RAD18: variants seen among roughly 807,000 people sequenced by gnomAD.
RAD18 encodes the protein E3 ubiquitin-protein ligase RAD18.
A neutral mutation model predicts 60.4 loss-of-function variants in RAD18; 47 were observed. The observed-to-expected ratio is 0.78, with a 90% confidence interval of 0.62 to 0.99. RAD18 has a LOEUF of 0.99. Among genes scored for constraint, RAD18 ranks in the 50% least tolerant of loss-of-function variants. The pLI is 0.00. For missense variants in RAD18, 640 were observed against 593.3 expected, an observed-to-expected ratio of 1.08 and a Z score of -0.82; for synonymous variants, 225 against 195.5, an observed-to-expected ratio of 1.15 and a Z score of -1.26.
chr3:8,951,517 T>C (rs1414300136), intron 2 of RAD18, among the ~76,000 whole-genome samples: 5 of 152,100 alleles, frequency 3.3e-5, no homozygotes, highest in Non-Finnish European at 5.9e-5. Flanking sequence ...GGAAAATAAT[T>C]TAGGTCAGAA....
At position 8,935,945 on chromosome 3, in the gene RAD18, T is replaced by G. The variant is rs777749667; in HGVS notation, c.815A>C (p.Gln272Pro). 4 of 1,612,094 alleles carry G rather than the reference T, an allele frequency of 2.5e-6. No homozygotes were observed. In the Admixed American group the frequency reaches 5.0e-5, roughly 20 times the overall value. ...TTCTTGGTGCCTTTTAATGAGCTGT[T>G]GTTTATTTCCTTGAATAGATAATCC... is the stretch of plus-strand genomic sequence containing the variant. ...EHGLSIQGNK[Q>P]QLIKRHQEFV... The change falls in exon 7 of 13, where the codon CAA becomes CCA. Residue 272 changes from glutamine (Q) to proline (P), a missense_variant. By Grantham distance (76) the Gln-to-Pro change is moderately conservative. Transcript: ENST00000264926.
At chr3:8,924,064 T>C (rs9809175) in intron 7 of RAD18, among the ~76,000 whole-genome samples, 105,078 of 151,944 alleles carry the variant, frequency 0.69, 36,879 homozygotes, top group Middle Eastern at 0.77. Context: ...ACACATAATA[T>C]TAACTTTAAA....
chr3:8,957,772 T>C (rs1941036405), intron 2 of RAD18, among the ~76,000 whole-genome samples: 1 of 152,208 alleles, frequency 6.6e-6, no homozygotes, highest in Non-Finnish European at 1.5e-5. Context: ...GAGGTCATAC[T>C]GACTGAGATG....
rs1939370390 is a variant in RAD18, at chr3:8,877,125, C to G, written c.*4232G>C. The G allele has an allele frequency of 6.6e-6, 1 of 152,194 alleles. No individual in the cohort carries two copies. The highest frequency in any genetic ancestry group is 2.4e-5 in the African/African-American group (1 of 41,446). The allele number at this position is 152,194 out of a possible 1,614,324, so 9.4% of individuals were successfully genotyped here. On this transcript the variant is annotated 3_prime_UTR_variant, in exon 13 of 13. Transcript: ENST00000264926. ...TTTTGTATTTTGGAATCAAAGGAGT[C>G]AGAAGATGCATGCATCAGTTTCTGG...
rs1350669724 is a variant in RAD18, at chr3:8,879,370, G to A, written c.*1987C>T. ...ATGACTGCTGTCCCTACAAGAAATC[G>A]GGACACCAGTCCTGCACAGTCATGT... is the stretch of plus-strand genomic sequence containing the variant. On this transcript the variant is annotated 3_prime_UTR_variant, in exon 13 of 13. Coordinates refer to ENST00000264926, the MANE Select transcript of RAD18 (RefSeq NM_020165.4). 2 of 152,126 alleles carry A rather than the reference G, an allele frequency of 1.3e-5. No individual in the cohort carries two copies. The highest frequency in any genetic ancestry group is 3.9e-4 in the East Asian group (2 of 5,194). 9.4% of individuals were successfully genotyped at this position (152,126 alleles called of 1,614,324 possible).
At chr3:8,907,493 G>C (rs992454415) in intron 9 of RAD18, among the ~76,000 whole-genome samples, 2 of 152,078 alleles carry the variant, frequency 1.3e-5, no homozygotes, top group African/African-American at 4.8e-5. Context: ...GAAAACAGCT[G>C]ACCCCATCTC....
At chr3:8,950,275 A>AT (rs1255913754) in intron 2 of RAD18, among the ~76,000 whole-genome samples, 1 of 152,030 alleles carries the variant, frequency 6.6e-6, no homozygotes, top group Non-Finnish European at 1.5e-5. Context: ...ACCATAGGTG[A>AT]CCGCCCACCT....
intron 4 of RAD18, 34 bp from the exon 5 acceptor site, chr3:8,941,838 A>T: frequency 6.6e-7 from 1 of 1,524,252 alleles, no homozygotes; most frequent in Non-Finnish European, 8.9e-7. Context: ...GACAATTAAG[A>T]GATCCAATTT....
intron 7 of RAD18, among the ~76,000 whole-genome samples, chr3:8,913,955 A>T (rs1045761533): frequency 5.6e-5 from 5 of 88,704 alleles, no homozygotes; most frequent in African/African-American, 2.2e-4. Context: ...TTCAACGTAT[A>T]ACCACAAGAG....
intron 11 of RAD18, among the ~76,000 whole-genome samples, chr3:8,893,017 T>C (rs1007666884): frequency 6.6e-6 from 1 of 152,216 alleles, no homozygotes; most frequent in South Asian, 2.1e-4. Context: ...GCATAGAGCT[T>C]GGTACGCAGT....
intron 11 of RAD18, among the ~76,000 whole-genome samples, chr3:8,892,222 G>A (rs913881731): frequency 6.6e-6 from 1 of 152,118 alleles, no homozygotes; most frequent in Middle Eastern, 3.2e-3. Flanking sequence ...AACTTTTTCA[G>A]CTTGTCTACT....
At chr3:8,935,772 G>T in intron 7 of RAD18, 99 bp downstream of exon 7, 1 of 1,137,470 alleles carries the variant, frequency 8.8e-7, no homozygotes, top group Non-Finnish European at 1.2e-6. Context: ...TATCAAAAAT[G>T]TATTTATTTA....
chr3:8,928,049 T>TAAAAA (rs58756851), intron 7 of RAD18, among the ~76,000 whole-genome samples: 2 of 121,728 alleles, frequency 1.6e-5, no homozygotes, highest in African/African-American at 2.8e-5. Flanking sequence ...CCCTAAAACT[T>TAAAAA]AAAAAAAAAA....
In RAD18 at chr3:8,935,981, A is replaced by T; in HGVS notation, c.779T>A (p.Leu260Gln). ...TTGAATAGATAATCCATGCTCTTTT[A>T]GCTTTTTCTTTAAATCACGATCAGA... ...LLSDRDLKKK[L>Q]KEHGLSIQGN... Residue 260 changes from leucine to glutamine, a missense_variant, in exon 7 of 13, where the codon CTA (leucine) becomes CAA (glutamine). Leu to Gln is a moderately radical substitution (Grantham distance 113). Coordinates refer to ENST00000264926, the MANE Select transcript of RAD18 (RefSeq NM_020165.4). 6.2e-7 allele frequency: 1 copy of T among 1,610,778 alleles called. No homozygotes were observed. Among genetic ancestry groups the T allele is most frequent in the Non-Finnish European group, 8.5e-7 (1 of 1,177,900 alleles).
At chr3:8,895,827 C>T (rs1939773372) in intron 11 of RAD18, among the ~76,000 whole-genome samples, 1 of 152,136 alleles carries the variant, frequency 6.6e-6, no homozygotes, top group South Asian at 2.1e-4. Flanking sequence ...TTATGCAAAA[C>T]CAAACAAATA....
intron 7 of RAD18, among the ~76,000 whole-genome samples, chr3:8,915,480 C>T (rs1181357495): frequency 6.6e-6 from 1 of 151,972 alleles, no homozygotes; most frequent in Non-Finnish European, 1.5e-5. Flanking sequence ...CTCAGCTAAA[C>T]TTTTTGATGA....
Position 8,909,453 on chromosome 3 carries a change from G to A in RAD18, c.1027+2859C>T, listed in dbSNP as rs1940069107. 2.6e-5 allele frequency among the ~76,000 whole-genome samples: 4 copies of A among 151,932 alleles called. No homozygotes were observed. In the South Asian group the frequency reaches 6.2e-4, roughly 24 times the overall value. ...GCAAAGTGATACATAAGAAGTGTAC[G>A]GACTCGGGGGATATTTAGAAGATAG... On this transcript the variant is annotated intron_variant, in intron 9 of 12. Coordinates refer to ENST00000264926, the MANE Select transcript of RAD18 (RefSeq NM_020165.4).
intron 11 of RAD18, 130 bp downstream of exon 11, chr3:8,898,764 A>C: frequency 1.3e-6 from 1 of 773,702 alleles, no homozygotes; most frequent in Non-Finnish European, 1.9e-6. Context: ...CAGCAGTAAA[A>C]GGGGACTGAA....
intron 12 of RAD18, among the ~76,000 whole-genome samples, chr3:8,885,120 T>C (rs1197723137): frequency 1.3e-5 from 2 of 152,144 alleles, no homozygotes; most frequent in Non-Finnish European, 2.9e-5. Context: ...ACACATTATT[T>C]CCAGGATGAC....
Sources: gnomAD v4.1 joint callset for allele counts (sites outside exome capture counted in the v4.1 genomes callset) on GRCh38, gnomAD v4.1.1 for gene constraint, MANE v1.5 for transcripts, NCBI Gene and HGNC (gene_info 2026-07-23, HGNC 2026-07-21) for gene names.